AGAP1: variants seen among roughly 807,000 people sequenced by gnomAD.
AGAP1 encodes arf-GAP with GTPase, ANK repeat and PH domain-containing protein 1.
A neutral mutation model predicts 105.3 loss-of-function variants in AGAP1; 29 were observed. The ratio of observed to expected loss-of-function variants is 0.28; its 90% CI spans 0.21 to 0.38. The LOEUF is 0.38. Among genes scored for constraint, AGAP1 ranks in the 10% least tolerant of loss-of-function variants. The pLI, the probability that AGAP1 is intolerant of heterozygous loss-of-function variation, is 1.00. For missense variants in AGAP1, 998 were observed against 1,165.1 expected (o/e 0.86, Z 2.09); for synonymous variants, 509 against 485.9 (o/e 1.05, Z -0.63).
chr2:235,858,801 A>G (rs2048793177), intron 9 of AGAP1, among the ~76,000 whole-genome samples: 1 of 152,238 alleles, frequency 6.6e-6, no homozygotes. Flanking sequence ...GCCAGCAGTA[A>G]CAGTGCTCAC....
At position 236,049,192 on chromosome 2, in the gene AGAP1, G is replaced by C; in HGVS notation, c.2025G>C (p.Lys675Asn). 2 of 1,614,208 alleles carry C rather than the reference G, an allele frequency of 1.2e-6. No individual in the cohort carries two copies. The highest frequency in any genetic ancestry group is 1.7e-6 in the Non-Finnish European group (2 of 1,180,052). Residue 675 changes from lysine (K) to asparagine (N), a missense_variant, in exon 16 of 18, where the codon AAG becomes AAC. Transcript: ENST00000304032. ...DLDDWPVELI[K>N]VMSSIGNELA... ...ATGACTGGCCAGTCGAGCTCATCAA[G>C]GTGATGTCATCCATCGGGAACGAGC...
At chr2:235,675,207 T>TTTTA (rs1948667016) in intron 1 of AGAP1, among the ~76,000 whole-genome samples, 1 of 113,324 alleles carries the variant, frequency 8.8e-6, no homozygotes, top group African/African-American at 3.3e-5. Flanking sequence ...TTTTTTTTTT[T>TTTTA]GAGACAGAGT....
At chr2:235,763,109 T>C (rs913989172) in intron 6 of AGAP1, among the ~76,000 whole-genome samples, 1 of 150,934 alleles carries the variant, frequency 6.6e-6, no homozygotes, top group Non-Finnish European at 1.5e-5. Flanking sequence ...TGGACTGTCA[T>C]GCATTGTGAG....
At chr2:235,561,875 C>G (rs1269592908) in intron 1 of AGAP1, among the ~76,000 whole-genome samples, 1 of 152,146 alleles carries the variant, frequency 6.6e-6, no homozygotes, top group Non-Finnish European at 1.5e-5. Context: ...TTTCTTTATA[C>G]CCTTCCCAGT....
chr2:235,849,398 G>A (rs1418179208), intron 9 of AGAP1, among the ~76,000 whole-genome samples: 4 of 152,172 alleles, frequency 2.6e-5, no homozygotes, highest in East Asian at 1.9e-4. Flanking sequence ...TTCATTGTTC[G>A]AAATCAAATG....
chr2:235,535,925 T>G lies in AGAP1; in HGVS notation c.163+41076T>G, dbSNP rs1943199374. On this transcript the variant is annotated intron_variant, in intron 1 of 17. Coordinates refer to ENST00000304032, the MANE Select transcript of AGAP1 (RefSeq NM_001037131.3). The surrounding 1 kb of genome is among the most constrained non-coding windows in gnomAD (Gnocchi z 5.1). Reference sequence around the variant, plus strand: ...GGCCACAGTGGCTTTCCTGCCCTCCTTGGCTGGTGGACGTAAGGCCCCTCG... The same window carrying G: ...GGCCACAGTGGCTTTCCTGCCCTCCGTGGCTGGTGGACGTAAGGCCCCTCG... 6.6e-6 allele frequency among the ~76,000 whole-genome samples: 1 copy of G among 151,832 alleles called. No homozygotes were observed. The highest frequency in any genetic ancestry group is 2.1e-4 in the South Asian group (1 of 4,806).
chr2:235,826,594 C>T (rs1183095138), intron 9 of AGAP1, among the ~76,000 whole-genome samples: 21 of 152,114 alleles, frequency 1.4e-4, no homozygotes, highest in East Asian at 9.7e-4. Context: ...GGATTACAGG[C>T]GCCCGCCACC....
chr2:235,914,279 G>A (rs2051764261), intron 11 of AGAP1, among the ~76,000 whole-genome samples: 1 of 152,098 alleles, frequency 6.6e-6, no homozygotes. Context: ...GGATTGTGTT[G>A]CCTCCTGTGC....
At chr2:235,585,352 G>A (rs951221878) in intron 1 of AGAP1, among the ~76,000 whole-genome samples, 13 of 152,104 alleles carry the variant, frequency 8.5e-5, no homozygotes, top group Admixed American at 6.5e-4. Flanking sequence ...TGGTAGCTGC[G>A]TGGCCTGCTC....
intron 13 of AGAP1, among the ~76,000 whole-genome samples, chr2:235,991,562 T>A (rs1009576304): frequency 6.6e-6 from 1 of 152,152 alleles, no homozygotes; most frequent in African/African-American, 2.4e-5. Flanking sequence ...GGAAAGAAAA[T>A]GGTTTTTTAA....
chr2:235,759,031 C>A (rs1361309364), intron 6 of AGAP1, among the ~76,000 whole-genome samples: 1 of 152,068 alleles, frequency 6.6e-6, no homozygotes, highest in Non-Finnish European at 1.5e-5. Context: ...GAGCTCAAAG[C>A]GATCCGACCG....
intron 16 of AGAP1, among the ~76,000 whole-genome samples, chr2:236,079,964 GA>G (rs1389257715): frequency 6.6e-6 from 1 of 152,208 alleles, no homozygotes; most frequent in Non-Finnish European, 1.5e-5. Context: ...CAGAGACAAA[GA>G]AAAATCCGTT....
At chr2:235,626,368 A>G (rs566276692) in intron 1 of AGAP1, among the ~76,000 whole-genome samples, 111 of 152,212 alleles carry the variant, frequency 7.3e-4, no homozygotes, top group African/African-American at 2.7e-3. Flanking sequence ...GCCAAAAACG[A>G]ACTGAATATG....
intron 6 of AGAP1, 48 bp from the exon 7 acceptor site, chr2:235,797,711 T>A (rs868182186): frequency 1.9e-6 from 3 of 1,612,550 alleles, no homozygotes; most frequent in Non-Finnish European, 2.5e-6. Context: ...TGTTCCTGAA[T>A]TTGGAAATTG....
At chr2:235,759,330 G>T (rs536552685) in intron 6 of AGAP1, among the ~76,000 whole-genome samples, 2 of 151,896 alleles carry the variant, frequency 1.3e-5, no homozygotes, top group African/African-American at 4.8e-5. Flanking sequence ...CACCACGCCC[G>T]GCTAATTTTT....
chr2:235,987,723 T>C (rs1468959721), intron 13 of AGAP1, among the ~76,000 whole-genome samples: 3 of 152,170 alleles, frequency 2.0e-5, no homozygotes, highest in African/African-American at 7.2e-5. Context: ...TTCTCATTGG[T>C]TTCAAATAAC....
Position 236,062,058 on chromosome 2 carries a change from A to G in AGAP1, c.2114+12777A>G, listed in dbSNP as rs1231497283. On this transcript the variant is annotated intron_variant, in intron 16 of 17. Coordinates refer to ENST00000304032, the MANE Select transcript of AGAP1 (RefSeq NM_001037131.3). The surrounding 1 kb of genome is among the most constrained non-coding windows in gnomAD (Gnocchi z 4.2). ...AGGCCTGGGGAGTAGAGCTCTGAGC[A>G]GGATGTGCACTGCAGCCAAATTCCT... is the stretch of plus-strand genomic sequence containing the variant. Among the ~76,000 whole-genome samples, 2 of 152,098 alleles carry G rather than the reference A, an allele frequency of 1.3e-5. No homozygotes were observed. Among genetic ancestry groups the G allele is most frequent in the Non-Finnish European group, 2.9e-5 (2 of 68,006 alleles).
chr2:236,022,697 A>C (rs188413267), intron 13 of AGAP1, among the ~76,000 whole-genome samples: 1 of 152,034 alleles, frequency 6.6e-6, no homozygotes, highest in Non-Finnish European at 1.5e-5. Context: ...ACCACGCCCA[A>C]CTGCTTTTTG....
chr2:236,064,156 G>C (rs1192732488), intron 16 of AGAP1, among the ~76,000 whole-genome samples: 1 of 152,152 alleles, frequency 6.6e-6, no homozygotes, highest in Non-Finnish European at 1.5e-5. Context: ...CAGTGACTTG[G>C]ACCAAGCCAG....
Sources: allele counts gnomAD v4.1 joint callset (sites outside exome capture counted in the v4.1 genomes callset), GRCh38; gene constraint gnomAD v4.1.1; non-coding constraint Gnocchi (gnomAD v3.1); transcripts MANE v1.5; gene names NCBI Gene and HGNC (gene_info 2026-07-23, HGNC 2026-07-21).